SMIM41: variants seen among roughly 807,000 people sequenced by gnomAD.
SMIM41 encodes the protein small integral membrane protein 41.
intron 2 of SMIM41, among the ~76,000 whole-genome samples, chr12:52,099,835 A>T (rs752198298): frequency 1.3e-5 from 2 of 152,036 alleles, no homozygotes; most frequent in Admixed American, 1.3e-4. Context: ...ACCTTCTGCG[A>T]TATTGGGAGT....
intron 2 of SMIM41, among the ~76,000 whole-genome samples, chr12:52,095,678 T>C (rs577884386): frequency 6.6e-6 from 1 of 152,066 alleles, no homozygotes; most frequent in Non-Finnish European, 1.5e-5. Context: ...ATGGGAACAA[T>C]ATCACTGGGG....
At chr12:52,101,718 T>TTGG (rs1382476920) in intron 2 of SMIM41, among the ~76,000 whole-genome samples, 1 of 151,828 alleles carries the variant, frequency 6.6e-6, no homozygotes, top group African/African-American at 2.4e-5. Context: ...TTTTTTGTTT[T>TTGG]TTTTTTGTTT....
intron 2 of SMIM41, among the ~76,000 whole-genome samples, chr12:52,095,307 A>G (rs1940073079): frequency 6.6e-6 from 1 of 151,374 alleles, no homozygotes. Context: ...ATTACGATCC[A>G]CATCGCAGGG....
Position 52,079,748 on chromosome 12 carries a change from T to C in SMIM41, c.-32T>C. On this transcript the variant is annotated 5_prime_UTR_variant, in exon 1 of 3. Transcript: ENST00000546390. ...GTCTGGGCTCCTGCACATCTGGCGA[T>C]CCCGCCACATCTGGGCAGCCGGCGC... 1 of 392,280 alleles carries C rather than the reference T, an allele frequency of 2.5e-6. No homozygotes were observed. The highest frequency in any genetic ancestry group is 4.5e-6 in the Non-Finnish European group (1 of 221,832). The allele number at this position is 392,280 out of a possible 1,614,324, so 24.3% of individuals were successfully genotyped here.
At chr12:52,100,610 C>G (rs1236176140) in intron 2 of SMIM41, among the ~76,000 whole-genome samples, 3 of 151,062 alleles carry the variant, frequency 2.0e-5, no homozygotes, top group African/African-American at 7.3e-5. Context: ...GCATGCGCTA[C>G]CGCGCCCAGC....
rs1291426380 is a variant in SMIM41, at chr12:52,081,577, T to TGTGTAGTGTAGTGTGTA, written c.*120+1400_*120+1401insAGTGTAGTGTGTAGTGT. On this transcript the variant is annotated intron_variant, in intron 1 of 2. Transcript: ENST00000546390. The surrounding 1 kb of genome is among the most constrained non-coding windows in gnomAD (Gnocchi z 4.1). Reference sequence around the variant, plus strand: ...CCAGGGCCCTGAGGCGTGTGTGTAGTGTGTCTGTTACTGCACCTGGCACAG... The same window carrying TGTGTAGTGTAGTGTGTA: ...CCAGGGCCCTGAGGCGTGTGTGTAGTGTGTAGTGTAGTGTGTAGTGTCTGTTACTGCACCTGGCACAG... Among the ~76,000 whole-genome samples, 2 of 152,022 alleles carry TGTGTAGTGTAGTGTGTA rather than the reference T, an allele frequency of 1.3e-5. No homozygotes were observed. The highest frequency in any genetic ancestry group is 4.8e-5 in the African/African-American group (2 of 41,386).
intron 2 of SMIM41, among the ~76,000 whole-genome samples, chr12:52,088,661 A>T (rs538960974): frequency 6.6e-6 from 1 of 152,248 alleles, no homozygotes; most frequent in African/African-American, 2.4e-5. Context: ...CTCGCCTTGC[A>T]CCTGGTCCCT....
chr12:52,089,597 A>AAAAACAAAACAAAAC lies in SMIM41; in HGVS notation c.*195+5654_*195+5668dup, dbSNP rs149875066. ...AACAGAGCAAGACCCCCGCCTTCAA[A>AAAAACAAAACAAAAC]AAAACAAAACAAAACAAAACAAAAC... On this transcript the variant is annotated intron_variant, in intron 2 of 2. Transcript: ENST00000546390. Among the ~76,000 whole-genome samples the AAAAACAAAACAAAAC allele has an allele frequency of 2.4e-3, 362 of 149,100 alleles. 4 individuals are homozygous for AAAAACAAAACAAAAC. The highest frequency in any genetic ancestry group is 8.6e-3 in the African/African-American group (347 of 40,348).
chr12:52,088,951 G>A (rs1037806733), intron 2 of SMIM41, among the ~76,000 whole-genome samples: 2 of 151,830 alleles, frequency 1.3e-5, no homozygotes, highest in South Asian at 2.1e-4. Flanking sequence ...GCCAGGCACC[G>A]AGTCTTCAGT....
At chr12:52,087,677 C>T (rs1375395477) in intron 2 of SMIM41, 1 of 152,280 alleles carries the variant, frequency 6.6e-6, no homozygotes. Flanking sequence ...GAGTCTGCCA[C>T]TTGCTGTGTG....
chr12:52,096,773 CAATT>C (rs1329276670), intron 2 of SMIM41, among the ~76,000 whole-genome samples: 1 of 151,348 alleles, frequency 6.6e-6, no homozygotes, highest in Non-Finnish European at 1.5e-5. Flanking sequence ...TAATTTATAT[CAATT>C]AATAATTGAT....
At chr12:52,100,176 G>C (rs1175812595) in intron 2 of SMIM41, among the ~76,000 whole-genome samples, 1 of 151,960 alleles carries the variant, frequency 6.6e-6, no homozygotes, top group Admixed American at 6.5e-5. Flanking sequence ...CTGGATATCA[G>C]GAACAATATC....
chr12:52,085,680 A>AACAGTACT (rs71443243), intron 2 of SMIM41, among the ~76,000 whole-genome samples: 78,010 of 151,406 alleles, frequency 0.52, 22,144 homozygotes, highest in Non-Finnish European at 0.65. Context: ...CTAACCCTGA[A>AACAGTACT]ACAGTACTAC....
intron 2 of SMIM41, among the ~76,000 whole-genome samples, chr12:52,087,186 C>T (rs776659752): frequency 3.9e-5 from 6 of 152,200 alleles, no homozygotes; most frequent in South Asian, 2.1e-4. Flanking sequence ...GCCGGGCCTC[C>T]GCCTCTGCAG....
In SMIM41 at chr12:52,107,421, G is replaced by T. The variant is rs1277779015; in HGVS notation, c.*238G>T. ...AACGGCAGCTGGTCCTTGCTGGACT[G>T]TTCCTGTCCATGTGCCTGGTCATGG... is the stretch of plus-strand genomic sequence containing the variant. On this transcript the variant is annotated 3_prime_UTR_variant, in exon 3 of 3. Coordinates refer to ENST00000546390, the MANE Select transcript of SMIM41 (RefSeq NM_001369216.1). 2 of 575,748 alleles carry T rather than the reference G, an allele frequency of 3.5e-6. No homozygotes were observed. The highest frequency in any genetic ancestry group is 4.5e-5 in the East Asian group (1 of 22,136). The allele number at this position is 575,748 out of a possible 1,614,324, so 35.7% of individuals were successfully genotyped here.
intron 2 of SMIM41, among the ~76,000 whole-genome samples, chr12:52,090,501 G>A (rs1011582690): frequency 3.9e-5 from 6 of 152,158 alleles, no homozygotes; most frequent in African/African-American, 7.2e-5. Context: ...AGGAAGGAGC[G>A]CACCTGCTGT....
At chr12:52,088,267 T>A (rs904674200) in intron 2 of SMIM41, among the ~76,000 whole-genome samples, 4 of 152,054 alleles carry the variant, frequency 2.6e-5, no homozygotes, top group Non-Finnish European at 5.9e-5. Flanking sequence ...GTGGGAGACT[T>A]TCGTGAAGGT....
At chr12:52,100,360 C>A (rs1940193517) in intron 2 of SMIM41, among the ~76,000 whole-genome samples, 1 of 151,986 alleles carries the variant, frequency 6.6e-6, no homozygotes, top group South Asian at 2.1e-4. Context: ...ACACCCCCTG[C>A]AATATTGGGA....
chr12:52,088,756 ACTGT>A (rs1229750610), intron 2 of SMIM41, among the ~76,000 whole-genome samples: 2 of 152,048 alleles, frequency 1.3e-5, no homozygotes, highest in East Asian at 3.9e-4. Flanking sequence ...GTCTGGCCAC[ACTGT>A]CTGGTCCCTG....
Sources: gnomAD v4.1 joint callset for allele counts (sites outside exome capture counted in the v4.1 genomes callset) on GRCh38, gnomAD v4.1.1 for gene constraint, Gnocchi (gnomAD v3.1) non-coding constraint, MANE v1.5 for transcripts, NCBI Gene and HGNC (gene_info 2026-07-23, HGNC 2026-07-21) for gene names.